Variants in PCSK2 observed in about 807,000 individuals in gnomAD.
The protein encoded by PCSK2 is proprotein convertase subtilisin/kexin type 2, also known as neuroendocrine convertase 2.
PCSK2 carries 14 observed loss-of-function variants against 69.7 expected under a neutral mutation model. The ratio of observed to expected loss-of-function variants is 0.20; its 90% CI spans 0.13 to 0.31. The LOEUF (loss-of-function observed/expected upper bound fraction) is 0.31, where lower values mean the gene tolerates loss of function less well. Ranked by LOEUF, PCSK2 falls within the 10% of genes least tolerant of loss-of-function variation. The probability of loss-of-function intolerance (pLI) is 1.00; values close to 1 mark genes in which losing one functional copy is unlikely to be tolerated. For missense variants in PCSK2, 544 were observed against 842.5 expected (o/e 0.65, Z 4.39); for synonymous variants, 307 against 320.7 (o/e 0.96, Z 0.46).
chr20:17,244,490 G>T (rs113134704), intron 1 of PCSK2, among the ~76,000 whole-genome samples: 2,344 of 152,162 alleles, frequency 0.015, 25 homozygotes, highest in Non-Finnish European at 0.026. Flanking sequence ...AGAAATACCT[G>T]GACCCTTGAG....
chr20:17,436,233 C>T (rs1383816220), intron 7 of PCSK2, among the ~76,000 whole-genome samples: 1 of 152,094 alleles, frequency 6.6e-6, no homozygotes, highest in Non-Finnish European at 1.5e-5. Context: ...TCCTGCACTG[C>T]CCCTGCCCCT....
intron 5 of PCSK2, among the ~76,000 whole-genome samples, chr20:17,371,076 C>T (rs949478450): frequency 4.6e-5 from 7 of 152,184 alleles, no homozygotes; most frequent in African/African-American, 1.2e-4. Context: ...TTTCCCAAAC[C>T]ATACTTGGGG....
At chr20:17,351,434 G>A (rs1406915536) in intron 2 of PCSK2, among the ~76,000 whole-genome samples, 4 of 152,088 alleles carry the variant, frequency 2.6e-5, no homozygotes, top group Admixed American at 6.6e-5. Flanking sequence ...GATGAACATA[G>A]ATGTAAAAAT....
chr20:17,479,280 G>A, intron 11 of PCSK2: 2 of 1,012,366 alleles, frequency 2.0e-6, no homozygotes, highest in South Asian at 1.3e-5. Context: ...ATGTGTTAAC[G>A]ATAATTCCAC....
intron 2 of PCSK2, among the ~76,000 whole-genome samples, chr20:17,290,880 G>C (rs921075003): frequency 6.6e-6 from 1 of 152,122 alleles, no homozygotes; most frequent in African/African-American, 2.4e-5. Context: ...GCAAGCATGT[G>C]AGATAGCGAG....
At chr20:17,270,623 T>C (rs1987824531) in intron 2 of PCSK2, among the ~76,000 whole-genome samples, 1 of 152,038 alleles carries the variant, frequency 6.6e-6, no homozygotes, top group African/African-American at 2.4e-5. Context: ...GACAAAATAG[T>C]TTTCCATTCC....
intron 11 of PCSK2, among the ~76,000 whole-genome samples, chr20:17,479,971 C>T (rs905428222): frequency 2.0e-5 from 3 of 151,770 alleles, no homozygotes; most frequent in African/African-American, 7.3e-5. Context: ...TCCTCAAATG[C>T]GGTTTCCTTT....
At chr20:17,362,033 A>G (rs2030414394) in intron 4 of PCSK2, among the ~76,000 whole-genome samples, 1 of 152,212 alleles carries the variant, frequency 6.6e-6, no homozygotes, top group African/African-American at 2.4e-5. Context: ...CGGGGATCAG[A>G]GAAGCCACCC....
rs114123277 is a variant in PCSK2 at position 17,476,668 on chromosome 20, A to G, written c.1431-4916A>G. On this transcript the variant is annotated intron_variant, in intron 11 of 11. Transcript: ENST00000262545. ...TGTTCAGGGCAGGAATTAATAGCTCAGATCATGCAAATACTTGCCCACAAC... is the reference window on the plus strand; with the variant it reads ...TGTTCAGGGCAGGAATTAATAGCTCGGATCATGCAAATACTTGCCCACAAC... Among the ~76,000 whole-genome samples, 208 of 152,348 alleles carry G rather than the reference A, an allele frequency of 1.4e-3. 1 individual carries two copies. Among genetic ancestry groups the G allele is most frequent in the African/African-American group, 4.8e-3 (201 of 41,586 alleles).
At chr20:17,332,266 G>A (rs1990226369) in intron 2 of PCSK2, among the ~76,000 whole-genome samples, 1 of 152,118 alleles carries the variant, frequency 6.6e-6, no homozygotes, top group African/African-American at 2.4e-5. Context: ...GTTTACTTCT[G>A]ATTCATACAA....
rs1431492419 is a variant in PCSK2, at chr20:17,303,441, TA to T, written c.282+43099del. Among the ~76,000 whole-genome samples, 57 of 61,356 alleles carry T rather than the reference TA, an allele frequency of 9.3e-4. 2 individuals are homozygous for T. Among genetic ancestry groups the T allele is most frequent in the African/African-American group, 2.6e-3 (43 of 16,790 alleles). 40.3% of individuals were successfully genotyped at this position (61,356 alleles called of 152,430 possible). A position where few individuals can be genotyped will look rare whatever the true frequency, so the allele number is the denominator to read the frequency against. ...GGTTATATATTTTTAATATATAATA[TA>T]ATATATATTATATTAAATATAATAT... On this transcript the variant is annotated intron_variant, in intron 2 of 11. Coordinates refer to ENST00000262545, the MANE Select transcript of PCSK2 (RefSeq NM_002594.5).
At chr20:17,360,726 C>T in intron 4 of PCSK2, 86 bp downstream of exon 4, 1 of 775,226 alleles carries the variant, frequency 1.3e-6, no homozygotes, top group Non-Finnish European at 2.2e-6. Context: ...TTTGGAGATG[C>T]TAACCAGAGA....
chr20:17,247,766 C>T (rs1285219341), intron 1 of PCSK2, among the ~76,000 whole-genome samples: 5 of 152,240 alleles, frequency 3.3e-5, no homozygotes, highest in African/African-American at 1.2e-4. Flanking sequence ...GGGAAGAGAA[C>T]TCTAGTGTTT....
At chr20:17,360,290 T>G (rs1176269415) in intron 3 of PCSK2, among the ~76,000 whole-genome samples, 6 of 151,228 alleles carry the variant, frequency 4.0e-5, no homozygotes, top group Non-Finnish European at 7.4e-5. Flanking sequence ...GGATTGAAAC[T>G]ATGTTTGCAT....
At chr20:17,432,223 C>T (rs1162514070) in intron 7 of PCSK2, among the ~76,000 whole-genome samples, 2 of 152,134 alleles carry the variant, frequency 1.3e-5, no homozygotes, top group African/African-American at 4.8e-5. Context: ...CATCAAGGCT[C>T]CTGTCTTTTT....
At chr20:17,321,208 C>T (rs2123131714) in intron 2 of PCSK2, among the ~76,000 whole-genome samples, 1 of 152,314 alleles carries the variant, frequency 6.6e-6, no homozygotes, top group East Asian at 1.9e-4. Context: ...CATTCTGTCC[C>T]TGTCGTCTCT....
intron 5 of PCSK2, among the ~76,000 whole-genome samples, chr20:17,405,768 C>A (rs909089161): frequency 6.6e-6 from 1 of 152,064 alleles, no homozygotes. Flanking sequence ...TATTATATAC[C>A]AGGGATGGGT....
chr20:17,277,463 T>C (rs1445779620), intron 2 of PCSK2, among the ~76,000 whole-genome samples: 3 of 152,156 alleles, frequency 2.0e-5, no homozygotes, highest in Non-Finnish European at 4.4e-5. Context: ...AAACAAGCAA[T>C]GGGGAAAGGA....
chr20:17,441,024 G>T (rs918933104), intron 8 of PCSK2, among the ~76,000 whole-genome samples: 1 of 152,168 alleles, frequency 6.6e-6, no homozygotes, highest in Non-Finnish European at 1.5e-5. Context: ...CTGCGGTCAC[G>T]GGGCTAGGCC....
Sources: allele counts gnomAD v4.1 joint callset (sites outside exome capture counted in the v4.1 genomes callset), GRCh38; gene constraint gnomAD v4.1.1; transcripts MANE v1.5; gene names NCBI Gene and HGNC (gene_info 2026-07-23, HGNC 2026-07-21).